The following DPYSL2 variants were observed in gnomAD, a reference collection of about 807,000 sequenced individuals.
DPYSL2 encodes dihydropyrimidinase like 2.
In DPYSL2, 13 loss-of-function variants were observed where a neutral mutation model predicts 69.9. That is an observed-to-expected ratio of 0.19 (90% CI 0.12 to 0.30). The LOEUF (loss-of-function observed/expected upper bound fraction) is 0.30. Among genes scored for constraint, DPYSL2 ranks in the 10% least tolerant of loss-of-function variants. The pLI is 1.00. For synonymous variants in DPYSL2, 326 were observed against 359.1 expected (o/e 0.91, Z 1.04); for missense variants, 587 against 918.9 (o/e 0.64, Z 4.67).
At chr8:26,554,285 C>T (rs1173791864) in intron 1 of DPYSL2, among the ~76,000 whole-genome samples, 1 of 151,452 alleles carries the variant, frequency 6.6e-6, no homozygotes, top group Non-Finnish European at 1.5e-5. Flanking sequence ...AGATACTGAG[C>T]TTTTTTTCAC....
chr8:26,610,401 T>G lies in DPYSL2; in HGVS notation c.629-13742T>G, dbSNP rs1354947559. Among the ~76,000 whole-genome samples, 1 of 152,252 alleles carries G rather than the reference T, an allele frequency of 6.6e-6. No individual in the cohort carries two copies. The highest frequency in any genetic ancestry group is 2.4e-5 in the African/African-American group (1 of 41,462). Reference sequence around the variant, plus strand: ...ATGTGAAAAGTCTGTTTATGTCTGTTGACAGAGGGTCTCTATGCTTCTTCC... The same window carrying G: ...ATGTGAAAAGTCTGTTTATGTCTGTGGACAGAGGGTCTCTATGCTTCTTCC... On this transcript the variant is annotated intron_variant, in intron 3 of 13. Transcript: ENST00000521913. This position sits in a 1 kb window ranked among gnomAD's most constrained non-coding sequence, Gnocchi z 4.5.
intron 7 of DPYSL2, among the ~76,000 whole-genome samples, chr8:26,630,669 C>A (rs893825693): frequency 1.3e-5 from 2 of 152,182 alleles, no homozygotes; most frequent in Admixed American, 6.5e-5. Context: ...TTACATTCTA[C>A]TGCCCATGAG....
At chr8:26,527,864 G>A (rs568567893) in intron 1 of DPYSL2, among the ~76,000 whole-genome samples, 341 of 150,022 alleles carry the variant, frequency 2.3e-3, no homozygotes, top group African/African-American at 8.3e-3. Context: ...GTATAGTGGC[G>A]GGATCTGGAC....
At position 26,617,892 on chromosome 8, in the gene DPYSL2, C is replaced by G. The variant is rs368782908; in HGVS notation, c.629-6251C>G. ...GTGACTGTAAGTGGGTACCAGGTTT[C>G]TTTTTTGAGTCATGTTCTAAAATTA... On this transcript the variant is annotated intron_variant, in intron 3 of 13. Transcript: ENST00000521913. The surrounding 1 kb of genome is among the most constrained non-coding windows in gnomAD (Gnocchi z 4.7). Among the ~76,000 whole-genome samples, 7 of 152,158 alleles carry G rather than the reference C, an allele frequency of 4.6e-5. No individual in the cohort carries two copies. In the East Asian group the frequency reaches 1.2e-3, roughly 25 times the overall value.
At chr8:26,575,640 T>C (rs1379350212) in intron 1 of DPYSL2, among the ~76,000 whole-genome samples, 2 of 152,172 alleles carry the variant, frequency 1.3e-5, no homozygotes, top group Non-Finnish European at 2.9e-5. Flanking sequence ...GGCTATACAA[T>C]TGAAGCCAAT....
intron 1 of DPYSL2, among the ~76,000 whole-genome samples, chr8:26,573,205 G>A (rs1263788533): frequency 6.6e-6 from 1 of 152,162 alleles, no homozygotes; most frequent in Non-Finnish European, 1.5e-5. Flanking sequence ...GAGAAGGGGA[G>A]GCTGCCAAGA....
At chr8:26,581,574 A>T (rs919654186) in intron 1 of DPYSL2, among the ~76,000 whole-genome samples, 2 of 151,966 alleles carry the variant, frequency 1.3e-5, no homozygotes, top group Non-Finnish European at 2.9e-5. Flanking sequence ...GGGTTTCACC[A>T]TGTTGGCCAG....
At chr8:26,546,765 A>G (rs544466330) in intron 1 of DPYSL2, among the ~76,000 whole-genome samples, 5 of 150,822 alleles carry the variant, frequency 3.3e-5, no homozygotes, top group African/African-American at 4.9e-5. Flanking sequence ...TAAAAATTCA[A>G]AAAAAATTAG....
intron 3 of DPYSL2, among the ~76,000 whole-genome samples, chr8:26,616,279 G>T (rs918971580): frequency 6.6e-6 from 1 of 151,938 alleles, no homozygotes; most frequent in African/African-American, 2.4e-5. Context: ...GCAAAACCAC[G>T]TTATCCTAAC....
Position 26,516,585 on chromosome 8 carries a change from G to A in DPYSL2, c.354+1906G>A, listed in dbSNP as rs527288751. On this transcript the variant is annotated intron_variant, in intron 1 of 13. Coordinates refer to ENST00000521913, the MANE Select transcript of DPYSL2 (RefSeq NM_001197293.3). The surrounding 1 kb of genome is among the most constrained non-coding windows in gnomAD (Gnocchi z 4.8). ...ACACTTCTTTTTTCTTGGCCATTTA[G>A]AAGCTTAGATATATGAAATTCTAAA... 1.3e-3 allele frequency among the ~76,000 whole-genome samples: 199 copies of A among 152,282 alleles called. 1 individual carries two copies. The highest frequency in any genetic ancestry group is 4.6e-3 in the African/African-American group (191 of 41,558).
intron 8 of DPYSL2, among the ~76,000 whole-genome samples, chr8:26,636,168 A>C (rs1249824005): frequency 2.7e-5 from 4 of 148,654 alleles, no homozygotes; most frequent in Admixed American, 2.0e-4. Flanking sequence ...TTTAGAAATA[A>C]GAAAGCATTC....
chr8:26,637,895 A>G (rs1220346863), intron 8 of DPYSL2: 1 of 152,260 alleles, frequency 6.6e-6, no homozygotes, highest in Non-Finnish European at 1.5e-5. Flanking sequence ...GTGACCAGTT[A>G]TTGTGACTAC....
chr8:26,573,253 G>T (rs187356692), intron 1 of DPYSL2, among the ~76,000 whole-genome samples: 1 of 152,176 alleles, frequency 6.6e-6, no homozygotes, highest in African/African-American at 2.4e-5. Context: ...GACTGGGTGT[G>T]GTGGCTCACG....
intron 3 of DPYSL2, among the ~76,000 whole-genome samples, chr8:26,622,662 C>A (rs1802525502): frequency 6.6e-6 from 1 of 152,054 alleles, no homozygotes; most frequent in Non-Finnish European, 1.5e-5. Context: ...GTCACCATGG[C>A]CAGCTAATTT....
At chr8:26,589,625 C>T (rs918617789) in intron 3 of DPYSL2, among the ~76,000 whole-genome samples, 10 of 152,188 alleles carry the variant, frequency 6.6e-5, no homozygotes, top group Admixed American at 5.2e-4. Context: ...CCCTCTGCAG[C>T]CCCAGCTCCC....
chr8:26,625,897 C>T (rs1585556039), intron 4 of DPYSL2, among the ~76,000 whole-genome samples: 2 of 152,154 alleles, frequency 1.3e-5, no homozygotes, highest in Non-Finnish European at 2.9e-5. Flanking sequence ...AAAATACACT[C>T]ATAATGTTGT....
intron 10 of DPYSL2, among the ~76,000 whole-genome samples, chr8:26,645,902 T>C (rs751358681): frequency 6.7e-5 from 10 of 148,680 alleles, no homozygotes; most frequent in Non-Finnish European, 1.0e-4. Flanking sequence ...TTTCACTCTT[T>C]CCCCCCAGGC....
At position 26,529,474 on chromosome 8, in the gene DPYSL2, A is replaced by T. The variant is rs182123182; in HGVS notation, c.354+14795A>T. Reference sequence around the variant, plus strand: ...TGGGACTATAGGTGTGTACCACCACACCTGGCTCATTTTTTAATTTTTTGT... The same window carrying T: ...TGGGACTATAGGTGTGTACCACCACTCCTGGCTCATTTTTTAATTTTTTGT... On this transcript the variant is annotated intron_variant, in intron 1 of 13. Transcript: ENST00000521913. Among the ~76,000 whole-genome samples, 509 of 151,928 alleles carry T rather than the reference A, an allele frequency of 3.4e-3. 3 individuals are homozygous for T. The highest frequency in any genetic ancestry group is 0.012 in the African/African-American group (490 of 41,426).
At chr8:26,567,477 G>A (rs1801171434) in intron 1 of DPYSL2, among the ~76,000 whole-genome samples, 1 of 152,240 alleles carries the variant, frequency 6.6e-6, no homozygotes, top group Admixed American at 6.5e-5. Flanking sequence ...AGGCCTTACG[G>A]TGGGTGATGA....
Sources: allele counts gnomAD v4.1 joint callset (sites outside exome capture counted in the v4.1 genomes callset), GRCh38; gene constraint gnomAD v4.1.1; non-coding constraint Gnocchi (gnomAD v3.1); transcripts MANE v1.5; gene names NCBI Gene and HGNC (gene_info 2026-07-23, HGNC 2026-07-21).